The following COL4A4 variants were observed in gnomAD, a reference collection of about 807,000 sequenced individuals.
COL4A4 encodes the protein collagen type IV alpha 4 chain, also known as collagen alpha-4(IV) chain.
COL4A4 carries 105 observed loss-of-function variants against 192.9 expected under a neutral mutation model. That is an observed-to-expected ratio of 0.54 (90% CI 0.46 to 0.64). The LOEUF (loss-of-function observed/expected upper bound fraction) is 0.64. Ranked by LOEUF, COL4A4 falls within the 30% of genes least tolerant of loss-of-function variation. The probability of loss-of-function intolerance (pLI) is 0.00; values close to 1 mark genes in which losing one functional copy is unlikely to be tolerated. For synonymous variants in COL4A4, 762 were observed against 769.9 expected, an observed-to-expected ratio of 0.99 and a Z score of 0.17; for missense variants, 1,967 against 2,169.3, an observed-to-expected ratio of 0.91 and a Z score of 1.85.
At chr2:227,048,005 G>T (rs1243258452) in intron 34 of COL4A4, among the ~76,000 whole-genome samples, 1 of 152,046 alleles carries the variant, frequency 6.6e-6, no homozygotes, top group Non-Finnish European at 1.5e-5. Flanking sequence ...AAATCACAAA[G>T]GCATACTGCA....
intron 10 of COL4A4, 76 bp downstream of exon 10, chr2:227,109,148 A>G (rs1470205368): frequency 2.1e-6 from 3 of 1,412,154 alleles, no homozygotes; most frequent in Non-Finnish European, 3.0e-6. Flanking sequence ...GTCTGACCCA[A>G]AATGGCAATG....
At chr2:226,975,186 A>T in the COL4A4 span, among the ~76,000 whole-genome samples, 1 of 152,216 alleles carries the variant, frequency 6.6e-6, no homozygotes, top group Non-Finnish European at 1.5e-5. Context: ...ATAAATGAGA[A>T]TAAAGAGAAA....
At position 227,030,429 on chromosome 2, in the gene COL4A4, A is replaced by T; in HGVS notation, c.3973+14T>A. The T allele has an allele frequency of 1.2e-6, 2 of 1,614,092 alleles. No individual in the cohort carries two copies. The highest frequency in any genetic ancestry group is 1.7e-6 in the Non-Finnish European group (2 of 1,179,940). Reference sequence around the variant, plus strand: ...AAGTTATTCACATATTACTTAACGGAACAACATTCATACCTTTCTGGCCAT... The same window carrying T: ...AAGTTATTCACATATTACTTAACGGTACAACATTCATACCTTTCTGGCCAT... On this transcript the variant is annotated intron_variant, in intron 41 of 47. Coordinates refer to ENST00000396625, the MANE Select transcript of COL4A4 (RefSeq NM_000092.5).
intron 25 of COL4A4, among the ~76,000 whole-genome samples, chr2:227,077,470 A>G (rs561615365): frequency 1.4e-4 from 21 of 152,264 alleles, no homozygotes; most frequent in Admixed American, 7.9e-4. Context: ...GGAGGGGAAC[A>G]TCACATAATA....
intron 3 of COL4A4, among the ~76,000 whole-genome samples, chr2:227,143,770 T>C (rs1366068047): frequency 6.6e-6 from 1 of 152,236 alleles, no homozygotes; most frequent in Admixed American, 6.5e-5. Context: ...GCAAGTCTTA[T>C]CATCCCTACT....
At chr2:226,988,466 A>G in the COL4A4 span, 1 of 1,548,144 alleles carries the variant, frequency 6.5e-7, no homozygotes, top group Non-Finnish European at 8.7e-7. Context: ...TTGAGGCTGC[A>G]GGGTCCCTGT....
At chr2:227,157,000 C>A (rs1380704784) in intron 1 of COL4A4, among the ~76,000 whole-genome samples, 1 of 152,144 alleles carries the variant, frequency 6.6e-6, no homozygotes, top group East Asian at 1.9e-4. Flanking sequence ...TTAATATATA[C>A]TAGGACACTA....
At chr2:227,060,303 TG>T in intron 26 of COL4A4, 60 bp from the exon 27 acceptor site, 1 of 1,147,686 alleles carries the variant, frequency 8.7e-7, no homozygotes, top group Non-Finnish European at 1.3e-6. Flanking sequence ...GTGAACAAAA[TG>T]AGATGATTTT....
At chr2:227,085,027 A>G (rs1170597780) in intron 22 of COL4A4, among the ~76,000 whole-genome samples, 2 of 151,312 alleles carry the variant, frequency 1.3e-5, no homozygotes, top group Non-Finnish European at 2.9e-5. Context: ...GCTACTCGAG[A>G]GGCTGAGGCA....
intron 1 of COL4A4, among the ~76,000 whole-genome samples, chr2:227,153,392 T>C (rs1022548766): frequency 6.6e-6 from 1 of 152,202 alleles, no homozygotes; most frequent in Non-Finnish European, 1.5e-5. Context: ...TTTTGCTAAC[T>C]GTTATTCTCA....
intron 12 of COL4A4, among the ~76,000 whole-genome samples, chr2:227,107,063 A>G (rs2060888965): frequency 6.6e-6 from 1 of 152,166 alleles, no homozygotes; most frequent in African/African-American, 2.4e-5. Context: ...GCAATGGCAC[A>G]CGGGCTCCTG....
chr2:227,081,832 A>G (rs946399160), intron 23 of COL4A4, among the ~76,000 whole-genome samples: 1 of 152,234 alleles, frequency 6.6e-6, no homozygotes, highest in African/African-American at 2.4e-5. Context: ...TGTGGTGAAT[A>G]AACACCAGCC....
chr2:227,026,294 G>A (rs1392333871), intron 42 of COL4A4, among the ~76,000 whole-genome samples: 4 of 152,108 alleles, frequency 2.6e-5, no homozygotes, highest in East Asian at 3.9e-4. Flanking sequence ...TCAGGAGATC[G>A]AGACCATCCT....
rs1322970347 is a variant in COL4A4, at chr2:227,123,359, GA to G, written c.193-2212del. On this transcript the variant is annotated intron_variant, in intron 4 of 47. Coordinates refer to ENST00000396625, the MANE Select transcript of COL4A4 (RefSeq NM_000092.5). The surrounding 1 kb of genome is among the most constrained non-coding windows in gnomAD (Gnocchi z 4.6). Reference sequence around the variant, plus strand: ...AATAAATTAGGGTGCCTTCAAACAGGAAAGCCCTCACAGCCTGACTTCATCA... The same window carrying G: ...AATAAATTAGGGTGCCTTCAAACAGGAAGCCCTCACAGCCTGACTTCATCA... 7.2e-5 allele frequency among the ~76,000 whole-genome samples: 11 copies of G among 152,208 alleles called. No individual in the cohort carries two copies. The highest frequency in any genetic ancestry group is 2.4e-4 in the African/African-American group (10 of 41,442).
chr2:227,125,334 C>G (rs925234796), intron 4 of COL4A4, among the ~76,000 whole-genome samples: 1 of 151,964 alleles, frequency 6.6e-6, no homozygotes, highest in African/African-American at 2.4e-5. Flanking sequence ...CAGCCTCCCC[C>G]CGTAGCTGGG....
chr2:226,975,588 C>T, the COL4A4 span, among the ~76,000 whole-genome samples: 1 of 152,072 alleles, frequency 6.6e-6, no homozygotes, highest in Admixed American at 6.6e-5. Context: ...CAGTTTGGTA[C>T]AGAAGAGGGG....
the COL4A4 span, chr2:226,969,002 G>A: frequency 5.0e-6 from 1 of 201,698 alleles, no homozygotes; most frequent in Non-Finnish European, 1.1e-5. Flanking sequence ...TGTGTCCAAG[G>A]TATGGACCAG....
chr2:227,089,899 G>A lies in COL4A4; in HGVS notation c.1428C>T (p.Pro476=), dbSNP rs185847845. 37 of 1,613,512 alleles carry A rather than the reference G, an allele frequency of 2.3e-5. No individual in the cohort carries two copies. The African/African-American group carries it at 4.7e-4, about 20-fold the overall frequency. ...GPQGIKGKVG[P]PGGRGPKGEK... ...CTCCTTTTGGGCCTCTTCCTCCTGG[G>A]GGACCAACTTTGCCTTTTATTCCTT... The change falls in exon 21 of 48, where the codon CCC becomes CCT. Residue 476 remains proline, a synonymous_variant. Coordinates refer to ENST00000396625, the MANE Select transcript of COL4A4 (RefSeq NM_000092.5).
At chr2:227,104,568 C>T (rs1455352603) in intron 12 of COL4A4, among the ~76,000 whole-genome samples, 9 of 131,260 alleles carry the variant, frequency 6.9e-5, no homozygotes, top group Non-Finnish European at 9.9e-5. Context: ...GGCGACAGAG[C>T]GAGACTCCAT....
Sources: gnomAD v4.1 joint callset for allele counts (sites outside exome capture counted in the v4.1 genomes callset) on GRCh38, gnomAD v4.1.1 for gene constraint, Gnocchi (gnomAD v3.1) non-coding constraint, MANE v1.5 for transcripts, NCBI Gene and HGNC (gene_info 2026-07-23, HGNC 2026-07-21) for gene names.